Variants in ZSCAN22 observed in about 807,000 individuals in gnomAD.
ZSCAN22 encodes the protein zinc finger and SCAN domain containing 22.
A neutral mutation model predicts 12.4 loss-of-function variants in ZSCAN22; 7 were observed. That is an observed-to-expected ratio of 0.57 (90% confidence interval 0.32 to 1.06). The LOEUF (loss-of-function observed/expected upper bound fraction) is 1.06, where lower values mean the gene tolerates loss of function less well. ZSCAN22 is among the 50% of genes least tolerant of loss of function. The pLI is 0.04. For missense variants in ZSCAN22, 576 were observed against 631.7 expected (o/e 0.91, Z 0.94); for synonymous variants, 243 against 255.9 (o/e 0.95, Z 0.48).
chr19:58,336,385 C>T (rs920363658), intron 2 of ZSCAN22, among the ~76,000 whole-genome samples: 1 of 152,048 alleles, frequency 6.6e-6, no homozygotes, highest in African/African-American at 2.4e-5. Flanking sequence ...GAGGGAGTGG[C>T]CCCATCCTCC....
rs1299364992 is a variant in ZSCAN22 at position 58,335,055 on chromosome 19, A to G, written c.253A>G (p.Lys85Glu). 6.2e-7 allele frequency: 1 copy of G among 1,614,032 alleles called. No individual in the cohort carries two copies. The highest frequency in any genetic ancestry group is 8.5e-7 in the Non-Finnish European group (1 of 1,180,016). Reference protein sequence around the residue: ...CQWLQPEAHSKEQILELLVLE... With the variant: ...CQWLQPEAHSEEQILELLVLE... ...GTGGCTGCAGCCCGAGGCGCACTCC[A>G]AGGAGCAGATACTGGAGCTGCTGGT... Residue 85 changes from lysine (K) to glutamate (E), a missense_variant, in exon 2 of 3, where the codon AAG becomes GAG. Coordinates refer to ENST00000329665, the MANE Select transcript of ZSCAN22 (RefSeq NM_181846.3). The surrounding 1 kb of genome is among the most constrained non-coding windows in gnomAD (Gnocchi z 4.1).
At position 58,334,735 on chromosome 19, in the gene ZSCAN22, C is replaced by G. The variant is rs778043693; in HGVS notation, c.-51-17C>G. 3.4e-6 allele frequency: 5 copies of G among 1,475,876 alleles called. No homozygotes were observed. Among genetic ancestry groups the G allele is most frequent in the Non-Finnish European group, 3.6e-6 (4 of 1,111,038 alleles). 91.4% of individuals were successfully genotyped at this position (1,475,876 alleles called of 1,614,324 possible). A position where few individuals can be genotyped will look rare whatever the true frequency, so the allele number is the denominator to read the frequency against. ...GCCCAGGTTCCATGTGATGCTGAAG[C>G]TCTGACATTCCTGCAGGCCCAGTTC... is the stretch of plus-strand genomic sequence containing the variant. On this transcript the variant is annotated splice_polypyrimidine_tract_variant and intron_variant, in intron 1 of 2. Transcript: ENST00000329665.
chr19:58,337,418 G>T (rs2051812161), intron 2 of ZSCAN22, among the ~76,000 whole-genome samples: 1 of 146,794 alleles, frequency 6.8e-6, no homozygotes, highest in South Asian at 2.2e-4. Flanking sequence ...AGAGATCAGA[G>T]CCTGCAGGGG....
chr19:58,334,075 G>A (rs73572621), intron 1 of ZSCAN22, among the ~76,000 whole-genome samples: 15,688 of 152,192 alleles, frequency 0.1, 1,295 homozygotes, highest in African/African-American at 0.21. Context: ...TAATTAGCAA[G>A]TAAAGTGAGA....
At position 58,339,080 on chromosome 19, in the gene ZSCAN22, T is replaced by A; in HGVS notation, c.1230T>A (p.Cys410Ter). 6.2e-7 allele frequency: 1 copy of A among 1,614,234 alleles called. No individual in the cohort carries two copies. Among genetic ancestry groups the A allele is most frequent in the Non-Finnish European group, 8.5e-7 (1 of 1,180,040 alleles). ...RIHTGEKPYK[C>*]DACGRAFSDC... is the part of the protein sequence containing the mutation. ...ACACCGGGGAGAAGCCCTACAAGTGTGACGCGTGTGGCCGAGCCTTCAGCG... is the reference window on the plus strand; with the variant it reads ...ACACCGGGGAGAAGCCCTACAAGTGAGACGCGTGTGGCCGAGCCTTCAGCG... The change falls in exon 3 of 3, where the codon TGT becomes TGA. Residue 410 changes from cysteine (C) to a stop codon, truncating the protein, a stop_gained. Coordinates refer to ENST00000329665, the MANE Select transcript of ZSCAN22 (RefSeq NM_181846.3). LOFTEE classifies it low-confidence loss of function (END_TRUNC). This position sits in a 1 kb window ranked among gnomAD's most constrained non-coding sequence, Gnocchi z 5.6.
Position 58,338,478 on chromosome 19 carries a change from C to T in ZSCAN22, c.628C>T (p.Pro210Ser), listed in dbSNP as rs1243276398. The T allele has an allele frequency of 1.2e-6, 2 of 1,614,068 alleles. No homozygotes were observed. The highest frequency in any genetic ancestry group is 1.7e-6 in the Non-Finnish European group (2 of 1,180,050). The change falls in exon 3 of 3, where the codon CCT becomes TCT. Residue 210 changes from proline to serine, a missense_variant. Transcript: ENST00000329665. This position sits in a 1 kb window ranked among gnomAD's most constrained non-coding sequence, Gnocchi z 5.4. ...QQIHFKKTSG[P>S]YKDVPTDQRG... Reference sequence around the variant, plus strand: ...GATCCACTTCAAGAAAACTTCAGGGCCTTACAAGGATGTCCCCACAGACCA... The same window carrying T: ...GATCCACTTCAAGAAAACTTCAGGGTCTTACAAGGATGTCCCCACAGACCA...
At position 58,339,231 on chromosome 19, in the gene ZSCAN22, G is replaced by GAGA; in HGVS notation, c.1384_1386dup (p.Lys462dup). On this transcript the variant is annotated inframe_insertion, in exon 3 of 3. Coordinates refer to ENST00000329665, the MANE Select transcript of ZSCAN22 (RefSeq NM_181846.3). The surrounding 1 kb of genome is among the most constrained non-coding windows in gnomAD (Gnocchi z 5.6). ...TGAGCACCAGAGGATCCACACGGGA[G>GAGA]AGAAGCCTTATAAGTGCAGCGACTG... 1 of 1,614,236 alleles carries GAGA rather than the reference G, an allele frequency of 6.2e-7. No individual in the cohort carries two copies. Among genetic ancestry groups the GAGA allele is most frequent in the Non-Finnish European group, 8.5e-7 (1 of 1,180,046 alleles).
chr19:58,331,215 C>CT (rs60442054), intron 1 of ZSCAN22, among the ~76,000 whole-genome samples: 14,880 of 131,382 alleles, frequency 0.11, 1,514 homozygotes, highest in African/African-American at 0.25. Flanking sequence ...ATCAAATGCA[C>CT]TTTTTTTTTT....
intron 1 of ZSCAN22, among the ~76,000 whole-genome samples, chr19:58,330,757 T>C (rs1178892475): frequency 6.6e-6 from 1 of 152,264 alleles, no homozygotes; most frequent in African/African-American, 2.4e-5. Context: ...TCCCACTGAC[T>C]GTCTGTTCCC....
Position 58,338,225 on chromosome 19 carries a change from G to T in ZSCAN22, c.404-29G>T, listed in dbSNP as rs1172435326. On this transcript the variant is annotated intron_variant, in intron 2 of 2. Transcript: ENST00000329665. The surrounding 1 kb of genome is among the most constrained non-coding windows in gnomAD (Gnocchi z 5.4). ...TAGGGGAGGCTTGGTGTGGTAGGAG[G>T]AGTGACAGTGTGGTTCGGACTGTTT... The T allele has an allele frequency of 1.3e-6, 2 of 1,562,418 alleles. No individual in the cohort carries two copies. Among genetic ancestry groups the T allele is most frequent in the Admixed American group, 3.6e-5 (2 of 56,256 alleles).
Position 58,329,001 on chromosome 19 carries a change from A to G in ZSCAN22, c.-52+1887A>G, listed in dbSNP as rs183039339. Among the ~76,000 whole-genome samples the G allele has an allele frequency of 2.8e-4, 43 of 152,238 alleles. No homozygotes were observed. Among genetic ancestry groups the G allele is most frequent in the Admixed American group, 4.6e-4 (7 of 15,290 alleles). ...AGGGCACTCTGGGAAGAGGACTTAG[A>G]CTAGTACCAGGTATCTGGGATGACA... is the stretch of plus-strand genomic sequence containing the variant. On this transcript the variant is annotated intron_variant, in intron 1 of 2. Transcript: ENST00000329665. The surrounding 1 kb of genome is among the most constrained non-coding windows in gnomAD (Gnocchi z 4.1).
At chr19:58,327,972 TC>T (rs1486395153) in intron 1 of ZSCAN22, among the ~76,000 whole-genome samples, 1 of 152,158 alleles carries the variant, frequency 6.6e-6, no homozygotes, top group Non-Finnish European at 1.5e-5. Context: ...TGCGTCAGCC[TC>T]CCGAGTAGCT....
intron 1 of ZSCAN22, among the ~76,000 whole-genome samples, chr19:58,332,855 T>C (rs2051743843): frequency 6.6e-6 from 1 of 152,228 alleles, no homozygotes; most frequent in African/African-American, 2.4e-5. Context: ...TAACTCTGTT[T>C]AAGCTTTTGA....
Position 58,339,464 on chromosome 19 carries a change from C to T in ZSCAN22, c.*138C>T. 1.2e-6 allele frequency: 1 copy of T among 804,326 alleles called. No individual in the cohort carries two copies. The highest frequency in any genetic ancestry group is 1.9e-6 in the Non-Finnish European group (1 of 523,508). The allele number at this position is 804,326 out of a possible 1,614,324, so 49.8% of individuals were successfully genotyped here. On this transcript the variant is annotated 3_prime_UTR_variant, in exon 3 of 3. Transcript: ENST00000329665. The surrounding 1 kb of genome is among the most constrained non-coding windows in gnomAD (Gnocchi z 5.6). Reference sequence around the variant, plus strand: ...AAAATGATAGGTGCCTGAGGGCAGACTCGGGCTGTCTAGGAACCACTCTGC... The same window carrying T: ...AAAATGATAGGTGCCTGAGGGCAGATTCGGGCTGTCTAGGAACCACTCTGC...
At chr19:58,330,959 T>C (rs962263201) in intron 1 of ZSCAN22, among the ~76,000 whole-genome samples, 1 of 152,182 alleles carries the variant, frequency 6.6e-6, no homozygotes, top group African/African-American at 2.4e-5. Context: ...AGTATTATTA[T>C]TGATGTATGT....
intron 1 of ZSCAN22, among the ~76,000 whole-genome samples, chr19:58,328,121 G>A (rs1215515874): frequency 1.3e-5 from 2 of 152,212 alleles, no homozygotes; most frequent in East Asian, 3.8e-4. Context: ...AAAGTGCTGG[G>A]ATTATAGGCA....
At position 58,338,314 on chromosome 19, in the gene ZSCAN22, C is replaced by T. The variant is rs1382970814; in HGVS notation, c.464C>T (p.Ser155Leu). The change falls in exon 3 of 3, where the codon TCA becomes TTA. Residue 155 changes from serine (S) to leucine (L), a missense_variant. Transcript: ENST00000329665. The surrounding 1 kb of genome is among the most constrained non-coding windows in gnomAD (Gnocchi z 5.4). ...ASCKQSDLGE[S>L]EPSNVTETLM... ...TGCAAGCAGAGTGACCTGGGAGAGT[C>T]AGAGCCATCAAATGTCACTGAGACC... The T allele has an allele frequency of 6.2e-7, 1 of 1,613,194 alleles. No individual in the cohort carries two copies. The highest frequency in any genetic ancestry group is 1.3e-5 in the African/African-American group (1 of 74,894).
rs2051818814 is a variant in ZSCAN22, at chr19:58,338,085, T to G, written c.404-169T>G. Among the ~76,000 whole-genome samples the G allele has an allele frequency of 6.6e-6, 1 of 152,206 alleles. No homozygotes were observed. Among genetic ancestry groups the G allele is most frequent in the Non-Finnish European group, 1.5e-5 (1 of 68,018 alleles). The stretch of plus-strand genomic sequence containing the variant: ...TTTGGATGGTGTGGGAGGACAGCCC[T>G]GCACCCTTTGTCATCCAAGACACCA... On this transcript the variant is annotated intron_variant, in intron 2 of 2. Coordinates refer to ENST00000329665, the MANE Select transcript of ZSCAN22 (RefSeq NM_181846.3). The surrounding 1 kb of genome is among the most constrained non-coding windows in gnomAD (Gnocchi z 5.4).
At position 58,329,693 on chromosome 19, in the gene ZSCAN22, T is replaced by TA. The variant is rs2051699762; in HGVS notation, c.-52+2581dup. 3.3e-5 allele frequency among the ~76,000 whole-genome samples: 5 copies of TA among 152,382 alleles called. No homozygotes were observed. The East Asian group carries it at 9.6e-4, about 29-fold the overall frequency. On this transcript the variant is annotated intron_variant, in intron 1 of 2. Transcript: ENST00000329665. This position sits in a 1 kb window ranked among gnomAD's most constrained non-coding sequence, Gnocchi z 4.1. Reference sequence around the variant, plus strand: ...TAGCTTTTATTACAGTGTATTGTTATAATTGTTCTATTTTATTAGTCATTG... The same window carrying TA: ...TAGCTTTTATTACAGTGTATTGTTATAAATTGTTCTATTTTATTAGTCATTG...
Sources: allele counts gnomAD v4.1 joint callset (sites outside exome capture counted in the v4.1 genomes callset), GRCh38; gene constraint gnomAD v4.1.1; non-coding constraint Gnocchi (gnomAD v3.1); transcripts MANE v1.5; gene names NCBI Gene and HGNC (gene_info 2026-07-23, HGNC 2026-07-21).